ANO3: variants seen among roughly 807,000 people sequenced by gnomAD.
ANO3 encodes the protein anoctamin 3.
Under a neutral mutation model 144.8 loss-of-function variants are expected in ANO3, and 99 were observed. That is an observed-to-expected ratio of 0.68 (90% CI 0.58 to 0.81). The LOEUF (loss-of-function observed/expected upper bound fraction) is 0.81. Among genes scored for constraint, ANO3 ranks in the 30% least tolerant of loss-of-function variants. The probability of loss-of-function intolerance (pLI) is 0.00; values close to 1 mark genes in which losing one functional copy is unlikely to be tolerated. For missense variants in ANO3, 905 were observed against 1,202.2 expected, an observed-to-expected ratio of 0.75 and a Z score of 3.66; for synonymous variants, 414 against 392.6, an observed-to-expected ratio of 1.05 and a Z score of -0.64.
chr11:26,451,983 G>C (rs1183247139), intron 3 of ANO3, among the ~76,000 whole-genome samples: 1 of 152,170 alleles, frequency 6.6e-6, no homozygotes, highest in Non-Finnish European at 1.5e-5. Flanking sequence ...ACAGGGTCTG[G>C]AGTGGACCTC....
At chr11:26,189,276 C>T in exon 1 of ANO3, 13 of 985,300 alleles carry the variant, frequency 1.3e-5, no homozygotes, top group Non-Finnish European at 1.6e-5. Flanking sequence ...TTTGACTGAA[C>T]TCTCTGGTGA....
chr11:26,240,511 G>A (rs1205819534), intron 1 of ANO3, among the ~76,000 whole-genome samples: 1 of 152,130 alleles, frequency 6.6e-6, no homozygotes, highest in Non-Finnish European at 1.5e-5. Flanking sequence ...ATTATATATG[G>A]CACCAGCAAT....
chr11:26,449,738 A>C (rs188200632), intron 3 of ANO3, among the ~76,000 whole-genome samples: 1 of 133,244 alleles, frequency 7.5e-6, no homozygotes, highest in East Asian at 2.3e-4. Flanking sequence ...AACTCTTCTT[A>C]AGTAGTAGAA....
intron 1 of ANO3, among the ~76,000 whole-genome samples, chr11:26,192,401 C>T (rs969702931): frequency 2.0e-5 from 3 of 151,916 alleles, no homozygotes; most frequent in African/African-American, 7.3e-5. Context: ...AGTGGTGTGG[C>T]AGTATGTTCT....
intron 1 of ANO3, among the ~76,000 whole-genome samples, chr11:26,418,690 C>T (rs1857662670): frequency 6.6e-6 from 1 of 152,048 alleles, no homozygotes; most frequent in Non-Finnish European, 1.5e-5. Flanking sequence ...CATTTTACTG[C>T]TACAAACAAA....
At chr11:26,611,294 G>A (rs1382342885) in intron 17 of ANO3, among the ~76,000 whole-genome samples, 1 of 151,838 alleles carries the variant, frequency 6.6e-6, no homozygotes, top group Non-Finnish European at 1.5e-5. Context: ...TGTCTCATAG[G>A]TTTTGGTATG....
intron 1 of ANO3, among the ~76,000 whole-genome samples, chr11:26,268,773 G>T (rs544986696): frequency 2.1e-3 from 317 of 152,238 alleles, no homozygotes; most frequent in African/African-American, 7.5e-3. Flanking sequence ...TAGCCTAAAT[G>T]ATTTCACTGA....
chr11:26,269,229 G>A (rs1853384221), intron 1 of ANO3, among the ~76,000 whole-genome samples: 1 of 152,160 alleles, frequency 6.6e-6, no homozygotes, highest in Non-Finnish European at 1.5e-5. Flanking sequence ...AGAACAGGCA[G>A]CTCTACTCAG....
chr11:26,260,614 ATCC>A (rs1853165382), intron 1 of ANO3, among the ~76,000 whole-genome samples: 2 of 152,180 alleles, frequency 1.3e-5, no homozygotes, highest in African/African-American at 4.8e-5. Flanking sequence ...GCAAGAAAAG[ATCC>A]TGATCTTAAC....
intron 14 of ANO3, chr11:26,565,279 T>C (rs143492277): frequency 2.0e-5 from 32 of 1,605,250 alleles, no homozygotes; most frequent in Non-Finnish European, 2.7e-5. Flanking sequence ...CTATCACTGT[T>C]TGTGGTAAGC....
chr11:26,330,414 C>A (rs1357762531), upstream of ANO3, among the ~76,000 whole-genome samples: 1 of 152,148 alleles, frequency 6.6e-6, no homozygotes, highest in South Asian at 2.1e-4. Flanking sequence ...TGAACTCACA[C>A]TGAGTTCATT....
At chr11:26,258,402 T>C (rs1263218742) in intron 1 of ANO3, among the ~76,000 whole-genome samples, 1 of 152,180 alleles carries the variant, frequency 6.6e-6, no homozygotes, top group Non-Finnish European at 1.5e-5. Context: ...TGCTCAACAT[T>C]GTGCTAAGTA....
chr11:26,218,633 C>T (rs1484480993), intron 1 of ANO3, among the ~76,000 whole-genome samples: 1 of 152,018 alleles, frequency 6.6e-6, no homozygotes, highest in Non-Finnish European at 1.5e-5. Flanking sequence ...TAAATATGTA[C>T]TAATATGAAA....
intron 4 of ANO3, among the ~76,000 whole-genome samples, chr11:26,495,077 T>TTATG (rs1166042293): frequency 4.8e-4 from 9 of 18,744 alleles, no homozygotes; most frequent in Middle Eastern, 0.042. Flanking sequence ...ATATCTACAT[T>TTATG]TATTTATTTA....
intron 18 of ANO3, among the ~76,000 whole-genome samples, chr11:26,628,960 C>G (rs1852680213): frequency 6.6e-6 from 1 of 152,014 alleles, no homozygotes; most frequent in Non-Finnish European, 1.5e-5. Flanking sequence ...AAGACAAGCC[C>G]CTATACACAA....
intron 1 of ANO3, among the ~76,000 whole-genome samples, chr11:26,383,064 G>A (rs931521603): frequency 3.3e-5 from 5 of 152,120 alleles, no homozygotes; most frequent in African/African-American, 1.2e-4. Context: ...AGTGCCACTA[G>A]ATGAAGTTAA....
chr11:26,227,506 C>T (rs934128832), intron 1 of ANO3, among the ~76,000 whole-genome samples: 1 of 152,168 alleles, frequency 6.6e-6, no homozygotes, highest in Non-Finnish European at 1.5e-5. Flanking sequence ...TTAGTAAATG[C>T]TGTGAAACCA....
intron 1 of ANO3, among the ~76,000 whole-genome samples, chr11:26,297,647 A>G (rs1471221974): frequency 6.6e-6 from 1 of 152,186 alleles, no homozygotes; most frequent in Non-Finnish European, 1.5e-5. Context: ...CAACTTGTAT[A>G]GTTTGTAAAC....
intron 1 of ANO3, 83 bp downstream of exon 1, chr11:26,332,404 G>A: frequency 7.3e-7 from 1 of 1,364,728 alleles, no homozygotes; most frequent in Non-Finnish European, 1.0e-6. Flanking sequence ...AGCATCCTTT[G>A]CAGGCTTATG....
Sources: gnomAD v4.1 joint callset for allele counts (sites outside exome capture counted in the v4.1 genomes callset) on GRCh38, gnomAD v4.1.1 for gene constraint, MANE v1.5 for transcripts, NCBI Gene and HGNC (gene_info 2026-07-23, HGNC 2026-07-21) for gene names.